Variants in NPHS1 observed in about 807,000 individuals in gnomAD.
The protein encoded by NPHS1 is NPHS1 adhesion molecule, nephrin, also known as nephrin.
In NPHS1, 107 loss-of-function variants were observed where a neutral mutation model predicts 139.7. That is an observed-to-expected ratio of 0.77 (90% confidence interval 0.66 to 0.90). The LOEUF is 0.90. NPHS1 is among the 40% of genes least tolerant of loss of function. NPHS1 has a pLI of 0.00. For missense variants in NPHS1, 1,580 were observed against 1,654.2 expected, an observed-to-expected ratio of 0.96 and a Z score of 0.78; for synonymous variants, 707 against 706.6, an observed-to-expected ratio of 1.00 and a Z score of -0.01.
chr19:35,835,786 GACTT>G (rs1471045047), intron 22 of NPHS1, 25 bp from the exon 23 acceptor site: 1 of 1,600,062 alleles, frequency 6.2e-7, no homozygotes, highest in African/African-American at 1.3e-5. Context: ...TACAGATTGT[GACTT>G]AACACTAAGA....
intron 22 of NPHS1, 111 bp downstream of exon 22, chr19:35,839,124 AAC>A: frequency 9.8e-7 from 1 of 1,022,706 alleles, no homozygotes; most frequent in South Asian, 1.3e-5. Context: ...CAATTTGCTT[AAC>A]AGCTATAGGC....
chr19:35,836,592 G>T (rs1972965049), intron 22 of NPHS1, among the ~76,000 whole-genome samples: 1 of 152,098 alleles, frequency 6.6e-6, no homozygotes, highest in South Asian at 2.1e-4. Flanking sequence ...TGTTCAAAGG[G>T]AAGACTGGAG....
chr19:35,831,548 C>T (rs375523817), intron 24 of NPHS1, 48 bp from the exon 25 acceptor site: 5 of 1,613,490 alleles, frequency 3.1e-6, no homozygotes, highest in Non-Finnish European at 3.4e-6. Context: ...GCAAGCCCCC[C>T]ACCCCGGCCC....
intron 23 of NPHS1, among the ~76,000 whole-genome samples, chr19:35,832,934 G>T (rs991966838): frequency 4.0e-5 from 6 of 148,864 alleles, no homozygotes; most frequent in Admixed American, 1.3e-4. Context: ...ACCCAGGCTG[G>T]AGTGCAGTGG....
chr19:35,842,687 TG>T, intron 17 of NPHS1, 137 bp from the exon 18 acceptor site: 1 of 839,468 alleles, frequency 1.2e-6, no homozygotes, highest in Non-Finnish European at 1.9e-6. Flanking sequence ...AAAATTCTCC[TG>T]TCATCCATCT....
Position 35,842,220 on chromosome 19 carries a change from G to A in NPHS1, c.2567C>T (p.Thr856Ile). 6.2e-7 allele frequency: 1 copy of A among 1,613,300 alleles called. No homozygotes were observed. The highest frequency in any genetic ancestry group is 2.2e-5 in the East Asian group (1 of 44,872). The change falls in exon 19 of 29, where the codon ACC (threonine) becomes ATC (isoleucine). Residue 856 changes from threonine to isoleucine, a missense_variant. Physicochemically the swap from Thr to Ile is moderately conservative, Grantham distance 89 (BLOSUM62 -1). Transcript: ENST00000378910. ...LTKVAAAGDSTSSATLHCRAR... is the reference protein window; with the variant it reads ...LTKVAAAGDSISSATLHCRAR... ...ACGGCAGTGGAGGGTGGCAGAACTGGTGCTGTCTCCAGCTGCAGCCACCTT... is the reference window on the plus strand; with the variant it reads ...ACGGCAGTGGAGGGTGGCAGAACTGATGCTGTCTCCAGCTGCAGCCACCTT...
At position 35,826,547 on chromosome 19, in the gene NPHS1, A is replaced by G. The variant is rs2146803225; in HGVS notation, c.3693T>C (p.Ser1231=). Residue 1231 remains serine, a synonymous_variant, in exon 29 of 29, where the codon TCT becomes TCC. Coordinates refer to ENST00000378910, the MANE Select transcript of NPHS1 (RefSeq NM_004646.4). ...AGDLDTLEPD[S]LPFELRGHLV Reference sequence around the variant, plus strand: ...GATGTCCCCTCAGCTCGAAGGGCAGAGAATCGGGTTCCAGAGTGTCCAAGT... The same window carrying G: ...GATGTCCCCTCAGCTCGAAGGGCAGGGAATCGGGTTCCAGAGTGTCCAAGT... 6.2e-7 allele frequency: 1 copy of G among 1,613,978 alleles called. No homozygotes were observed. The highest frequency in any genetic ancestry group is 1.7e-5 in the Admixed American group (1 of 60,004).
chr19:35,837,462 G>A (rs1458292507), intron 22 of NPHS1, among the ~76,000 whole-genome samples: 1 of 151,534 alleles, frequency 6.6e-6, no homozygotes, highest in Non-Finnish European at 1.5e-5. Flanking sequence ...CCAGCTTCTG[G>A]TTTCATTGAT....
At position 35,831,084 on chromosome 19, in the gene NPHS1, G is replaced by T. The variant is rs1333797368; in HGVS notation, c.3450C>A (p.Pro1150=). 6.2e-7 allele frequency: 1 copy of T among 1,613,988 alleles called. No individual in the cohort carries two copies. Among genetic ancestry groups the T allele is most frequent in the Non-Finnish European group, 8.5e-7 (1 of 1,180,042 alleles). The stretch of plus-strand genomic sequence containing the variant: ...AATAAGACACCTCCTCCTGCGTCGG[G>T]GGCAGCTGGGGGCTGAAGTCCCTCA... ...RSLRDFSPQL[P]PTQEEVSYSR... The change falls in exon 27 of 29, where the codon CCC becomes CCA. Residue 1150 remains proline, a synonymous_variant. Transcript: ENST00000378910.
chr19:35,837,008 A>G (rs1423103592), intron 22 of NPHS1, among the ~76,000 whole-genome samples: 2 of 138,458 alleles, frequency 1.4e-5, no homozygotes, highest in East Asian at 2.0e-4. Flanking sequence ...AAAAAAAAAA[A>G]AAGAAAGAAA....
In NPHS1 at chr19:35,851,570, C is replaced by T. The variant is rs369112617; in HGVS notation, c.161G>A (p.Gly54Glu). 8.1e-6 allele frequency: 13 copies of T among 1,613,888 alleles called. No homozygotes were observed. Among genetic ancestry groups the T allele is most frequent in the Non-Finnish European group, 1.1e-5 (13 of 1,180,014 alleles). Residue 54 changes from glycine to glutamate, a missense_variant, in exon 2 of 29, where the codon GGG (glycine) becomes GAG (glutamate). By Grantham distance (98) the Gly-to-Glu change is moderately conservative. Transcript: ENST00000378910. Reference protein sequence around the residue: ...VEGASVELRCGVSTPGSAVQW... With the variant: ...VEGASVELRCEVSTPGSAVQW... Reference sequence around the variant, plus strand: ...CACCGCACTGCCAGGGGTGCTGACCCCACAACGCAGCTCCACTGAGGCCCC... The same window carrying T: ...CACCGCACTGCCAGGGGTGCTGACCTCACAACGCAGCTCCACTGAGGCCCC...
At position 35,835,744 on chromosome 19, in the gene NPHS1, C is replaced by T. The variant is rs1218579850; in HGVS notation, c.3127G>A (p.Gly1043Arg). 3 of 1,613,636 alleles carry T rather than the reference C, an allele frequency of 1.9e-6. No homozygotes were observed. The highest frequency in any genetic ancestry group is 3.3e-5 in the Admixed American group (2 of 59,952). Residue 1043 changes from glycine (G) to arginine (R), a missense_variant, in exon 23 of 29, where the codon GGA becomes AGA. Coordinates refer to ENST00000378910, the MANE Select transcript of NPHS1 (RefSeq NM_004646.4). ...GTGGGCAGCTGGTCTTCAGGTTCTC[C>T]AGAAGGCTGGTGGAGACCTGGGGGG... ...ITTPGLHQPS[G>R]EPEDQLPTEP... is the part of the protein sequence containing the mutation.
In NPHS1 at chr19:35,841,814, T is replaced by A; in HGVS notation, c.2716A>T (p.Ile906Phe). 6.2e-7 allele frequency: 1 copy of A among 1,614,118 alleles called. No individual in the cohort carries two copies. The highest frequency in any genetic ancestry group is 8.5e-7 in the Non-Finnish European group (1 of 1,180,014). The change falls in exon 20 of 29, where the codon ATT becomes TTT. Residue 906 changes from isoleucine (I) to phenylalanine (F), a missense_variant. Physicochemically the swap from Ile to Phe is conservative, Grantham distance 21. Transcript: ENST00000378910. ...TCCTGGGCGGCAGACACGTTGGCAATGGTCAGGAGGCTGCTGTGGACACCA... is the reference window on the plus strand; with the variant it reads ...TCCTGGGCGGCAGACACGTTGGCAAAGGTCAGGAGGCTGCTGTGGACACCA... Reference protein sequence around the residue: ...QGGVHSSLLTIANVSAAQDYA... With the variant: ...QGGVHSSLLTFANVSAAQDYA...
intron 26 of NPHS1, 61 bp downstream of exon 26, chr19:35,831,235 G>C (rs1972876298): frequency 1.2e-6 from 2 of 1,604,916 alleles, no homozygotes; most frequent in Admixed American, 3.3e-5. Flanking sequence ...GATGCTAACG[G>C]CAGGGCTTCA....
At chr19:35,829,897 C>T (rs1326774617) in intron 28 of NPHS1, among the ~76,000 whole-genome samples, 1 of 151,766 alleles carries the variant, frequency 6.6e-6, no homozygotes, top group Non-Finnish European at 1.5e-5. Context: ...GTCTCCAATA[C>T]CTGGGCTCAA....
Position 35,843,495 on chromosome 19 carries a change from CCGGGAG to C in NPHS1, c.2305_2310del (p.Leu769_Pro770del). ...ACCAGTCTCTCCCAGTTGAACATGC[CCGGGAG>C]GATGGGATTGGCATCGACAGTGCAG... On this transcript the variant is annotated inframe_deletion, in exon 17 of 29. Coordinates refer to ENST00000378910, the MANE Select transcript of NPHS1 (RefSeq NM_004646.4). 6.2e-7 allele frequency: 1 copy of C among 1,614,130 alleles called. No homozygotes were observed. The highest frequency in any genetic ancestry group is 8.5e-7 in the Non-Finnish European group (1 of 1,180,006).
At chr19:35,827,876 T>C (rs1265220060) in intron 28 of NPHS1, among the ~76,000 whole-genome samples, 5 of 151,992 alleles carry the variant, frequency 3.3e-5, no homozygotes, top group Non-Finnish European at 5.9e-5. Context: ...GAGATTGTGC[T>C]ACTGCACTCC....
chr19:35,828,879 G>A (rs549104331), intron 28 of NPHS1, among the ~76,000 whole-genome samples: 27 of 152,336 alleles, frequency 1.8e-4, no homozygotes, highest in African/African-American at 6.5e-4. Flanking sequence ...AGCGCTTTGC[G>A]CCATGCTGGT....
At chr19:35,847,053 T>C (rs1973152745) in intron 11 of NPHS1, among the ~76,000 whole-genome samples, 1 of 152,078 alleles carries the variant, frequency 6.6e-6, no homozygotes, top group African/African-American at 2.4e-5. Context: ...TCTTTTCTTT[T>C]CTTTTTTTTT....
Sources: allele counts gnomAD v4.1 joint callset (sites outside exome capture counted in the v4.1 genomes callset), GRCh38; gene constraint gnomAD v4.1.1; transcripts MANE v1.5; gene names NCBI Gene and HGNC (gene_info 2026-07-23, HGNC 2026-07-21).